RNLS: variants seen among roughly 807,000 people sequenced by gnomAD.
RNLS encodes renalase, FAD dependent amine oxidase.
Under a neutral mutation model 39.8 loss-of-function variants are expected in RNLS, and 39 were observed. That is an observed-to-expected ratio of 0.98 (90% confidence interval 0.76 to 1.28). The LOEUF is 1.28. Ranked by LOEUF, RNLS falls within the 50% of genes most tolerant of loss-of-function variation. The probability of loss-of-function intolerance (pLI) is 0.00; values close to 1 mark genes in which losing one functional copy is unlikely to be tolerated. For missense variants in RNLS, 410 were observed against 413.3 expected, an observed-to-expected ratio of 0.99 and a Z score of 0.07; for synonymous variants, 147 against 150.7, an observed-to-expected ratio of 0.98 and a Z score of 0.18.
intron 4 of RNLS, among the ~76,000 whole-genome samples, chr10:88,371,958 G>A (rs1026428378): frequency 6.6e-6 from 1 of 152,040 alleles, no homozygotes; most frequent in African/African-American, 2.4e-5. Context: ...AATTGTGTGG[G>A]ACCCTAACAA....
the RNLS span, among the ~76,000 whole-genome samples, chr10:88,172,578 C>G: frequency 6.6e-6 from 1 of 151,732 alleles, no homozygotes. Context: ...GACATTAGTC[C>G]CTTGTTGGAT....
At position 88,324,427 on chromosome 10, in the gene RNLS, CA is replaced by C. The variant is rs57362184; in HGVS notation, c.701-9787del. ...ATAAAAAACGAAATTGTGTCCTTTG[CA>C]AAAAAAAAAAAAAAACTAAAACAGA... On this transcript the variant is annotated intron_variant, in intron 5 of 6. Coordinates refer to ENST00000331772, the MANE Select transcript of RNLS (RefSeq NM_001031709.3). Among the ~76,000 whole-genome samples, 593 of 78,612 alleles carry C rather than the reference CA, an allele frequency of 7.5e-3. 4 individuals carry two copies. The highest frequency in any genetic ancestry group is 0.012 in the African/African-American group (266 of 21,632). 51.6% of individuals were successfully genotyped at this position (78,612 alleles called of 152,430 possible). A position where few individuals can be genotyped will look rare whatever the true frequency, so the allele number is the denominator to read the frequency against.
exon 7 of RNLS, chr10:88,274,327 AC>A (rs1425690797): frequency 1.3e-5 from 2 of 152,370 alleles, no homozygotes. Flanking sequence ...TAAAACTCTG[AC>A]CCACTAAACA....
intron 4 of RNLS, among the ~76,000 whole-genome samples, chr10:88,371,676 C>A (rs1157887270): frequency 6.6e-6 from 1 of 152,052 alleles, no homozygotes; most frequent in African/African-American, 2.4e-5. Flanking sequence ...ATAAAGGGCA[C>A]CAAAGAAGTG....
At chr10:88,244,572 A>G in the RNLS span, among the ~76,000 whole-genome samples, 2 of 152,236 alleles carry the variant, frequency 1.3e-5, no homozygotes, top group Non-Finnish European at 2.9e-5. Flanking sequence ...TAAAACAGCT[A>G]CAAAAAACAA....
At chr10:88,576,615 T>TA (rs1850227236) in intron 3 of RNLS, among the ~76,000 whole-genome samples, 1 of 152,166 alleles carries the variant, frequency 6.6e-6, no homozygotes, top group South Asian at 2.1e-4. Context: ...CTAGCTTCTC[T>TA]AAAAAGGACA....
In RNLS at chr10:88,285,133, G is replaced by C. The variant is rs1330947310; in HGVS notation, c.*221C>G. The C allele has an allele frequency of 5.4e-6, 6 of 1,108,528 alleles. No homozygotes were observed. In the African/African-American group the frequency reaches 9.9e-5, roughly 18 times the overall value. The allele number at this position is 1,108,528 out of a possible 1,614,324, so 68.7% of individuals were successfully genotyped here. A position where few individuals can be genotyped will look rare whatever the true frequency, so the allele number is the denominator to read the frequency against. On this transcript the variant is annotated 3_prime_UTR_variant, in exon 7 of 7. Coordinates refer to ENST00000331772, the MANE Select transcript of RNLS (RefSeq NM_001031709.3). ...AACAAGGAGTAGTCATAGCAATTCAGAAAAGTAGGGAAGGTGCAAGGTGTG... is the reference window on the plus strand; with the variant it reads ...AACAAGGAGTAGTCATAGCAATTCACAAAAGTAGGGAAGGTGCAAGGTGTG...
chr10:88,337,303 G>C (rs903605312), intron 5 of RNLS, among the ~76,000 whole-genome samples: 7 of 152,166 alleles, frequency 4.6e-5, no homozygotes, highest in African/African-American at 1.4e-4. Context: ...GAGAACGTCT[G>C]TGTGGTGGAT....
intron 4 of RNLS, among the ~76,000 whole-genome samples, chr10:88,428,797 T>C (rs1589776167): frequency 6.6e-6 from 1 of 151,958 alleles, no homozygotes; most frequent in African/African-American, 2.4e-5. Flanking sequence ...GGTTACACCA[T>C]GGGCATTTGG....
intron 4 of RNLS, among the ~76,000 whole-genome samples, chr10:88,441,113 G>A (rs1245456787): frequency 6.6e-6 from 1 of 152,026 alleles, no homozygotes; most frequent in Non-Finnish European, 1.5e-5. Context: ...TCATTGGATC[G>A]AGTGACTTAT....
At chr10:88,412,861 A>G (rs1331937294) in intron 4 of RNLS, among the ~76,000 whole-genome samples, 2 of 152,226 alleles carry the variant, frequency 1.3e-5, no homozygotes, top group East Asian at 3.8e-4. Flanking sequence ...TCTGGCAAAT[A>G]GCAGATGCTC....
At chr10:88,433,640 G>A (rs1358852838) in intron 4 of RNLS, among the ~76,000 whole-genome samples, 1 of 152,042 alleles carries the variant, frequency 6.6e-6, no homozygotes, top group Non-Finnish European at 1.5e-5. Context: ...AACAACAGAA[G>A]TTAGGTAGTA....
chr10:88,326,238 T>A (rs1846599620), intron 5 of RNLS, among the ~76,000 whole-genome samples: 1 of 152,170 alleles, frequency 6.6e-6, no homozygotes, highest in African/African-American at 2.4e-5. Context: ...TTTAGAGGGC[T>A]CAGAAGAAGA....
chr10:88,441,973 A>G (rs1473249232), intron 4 of RNLS, among the ~76,000 whole-genome samples: 3 of 152,180 alleles, frequency 2.0e-5, no homozygotes, highest in Non-Finnish European at 4.4e-5. Flanking sequence ...CAGCCGGGTT[A>G]CTATCCCCTA....
chr10:88,346,589 C>G (rs1167455508), intron 5 of RNLS, among the ~76,000 whole-genome samples: 2 of 152,150 alleles, frequency 1.3e-5, no homozygotes, highest in African/African-American at 4.8e-5. Context: ...AATTTGCTGA[C>G]TAGCCATTAC....
chr10:88,374,641 C>T (rs540059886), intron 4 of RNLS, among the ~76,000 whole-genome samples: 16 of 152,128 alleles, frequency 1.1e-4, no homozygotes, highest in Admixed American at 5.9e-4. Flanking sequence ...AGAACAAATT[C>T]CAAAGATCAA....
At chr10:88,401,302 T>C (rs1322773914) in intron 4 of RNLS, among the ~76,000 whole-genome samples, 1 of 152,172 alleles carries the variant, frequency 6.6e-6, no homozygotes, top group East Asian at 1.9e-4. Flanking sequence ...AAATTAACCA[T>C]AATAAATATT....
At chr10:88,253,008 C>G in the RNLS span, among the ~76,000 whole-genome samples, 6 of 152,274 alleles carry the variant, frequency 3.9e-5, no homozygotes, top group African/African-American at 9.6e-5. Context: ...GGCTTTTGGG[C>G]CTTGAACACT....
At chr10:88,194,592 G>C in the RNLS span, among the ~76,000 whole-genome samples, 449 of 152,316 alleles carry the variant, frequency 2.9e-3, 2 homozygotes, top group African/African-American at 8.0e-3. Context: ...AAATGACTAA[G>C]AGTCAACCAA....
Sources: gnomAD v4.1 joint callset for allele counts (sites outside exome capture counted in the v4.1 genomes callset) on GRCh38, gnomAD v4.1.1 for gene constraint, MANE v1.5 for transcripts, NCBI Gene and HGNC (gene_info 2026-07-23, HGNC 2026-07-21) for gene names.